The following PHEX variants were observed in gnomAD, a reference collection of about 807,000 sequenced individuals.
The protein encoded by PHEX is phosphate-regulating neutral endopeptidase PHEX.
PHEX carries 16 observed loss-of-function variants against 68.0 expected under a neutral mutation model. That is an observed-to-expected ratio of 0.24 (90% CI 0.16 to 0.36). PHEX has a LOEUF of 0.36. PHEX is among the 10% of genes least tolerant of loss of function. PHEX has a pLI of 1.00. For synonymous variants in PHEX, 208 were observed against 205.1 expected (o/e 1.01, Z -0.12); for missense variants, 480 against 575.5 (o/e 0.83, Z 1.70).
In PHEX at chrX:22,119,001, A is replaced by T. The variant is rs191778469; in HGVS notation, c.1302+4415A>T. 2.0e-4 allele frequency among the ~76,000 whole-genome samples: 22 copies of T among 112,379 alleles called. No individual in the cohort carries two copies. The South Asian group carries it at 2.6e-3, about 13-fold the overall frequency. ...AGCCTTAACTCGTGAGATTGGCTGC[A>T]AGTGTTGCTTTGTCTTTGCAGTCCA... On this transcript the variant is annotated intron_variant, in intron 11 of 21. Coordinates refer to ENST00000379374, the MANE Select transcript of PHEX (RefSeq NM_000444.6).
At chrX:22,056,603 C>G (rs998752815) in intron 3 of PHEX, among the ~76,000 whole-genome samples, 2 of 109,424 alleles carry the variant, frequency 1.8e-5, no homozygotes, top group Non-Finnish European at 3.8e-5. Flanking sequence ...GAGCTCAAGA[C>G]CAGCCTGGAC....
intron 9 of PHEX, among the ~76,000 whole-genome samples, chrX:22,110,514 C>T (rs186754618): frequency 3.2e-4 from 36 of 111,208 alleles, no homozygotes; most frequent in African/African-American, 1.1e-3. Context: ...AGGTTTGTTA[C>T]ATATGTATAC....
chrX:22,161,027 C>T (rs950036655), intron 12 of PHEX, among the ~76,000 whole-genome samples: 4 of 109,380 alleles, frequency 3.7e-5, no homozygotes, highest in Admixed American at 9.7e-5. Context: ...CCCAGCTACT[C>T]GGTGGGAGGC....
Position 22,227,605 on chromosome X carries a change from T to C in PHEX, c.2064T>C (p.Tyr688=). 5 of 1,180,907 alleles carry C rather than the reference T, an allele frequency of 4.2e-6. No homozygotes were observed. Among genetic ancestry groups the C allele is most frequent in the Non-Finnish European group, 5.8e-6 (5 of 867,318 alleles). The part of the protein sequence containing the change: ...FTNNQLFFLS[Y]AHVRCNSYRP... ...ACAACCAGCTCTTCTTCCTGAGTTA[T>C]GCTCATGTGAGTAGACTGAGGAAGG... The change falls in exon 20 of 22, where the codon TAT becomes TAC. Residue 688 remains tyrosine, a synonymous_variant. Transcript: ENST00000379374.
At chrX:22,052,763 T>A (rs1927895117) in intron 3 of PHEX, among the ~76,000 whole-genome samples, 2 of 109,192 alleles carry the variant, frequency 1.8e-5, no homozygotes, top group African/African-American at 6.7e-5. Flanking sequence ...TGCAAAGGCA[T>A]ACAGAGTGGT....
chrX:22,223,139 A>T (rs1047729447), intron 18 of PHEX, among the ~76,000 whole-genome samples: 2 of 112,128 alleles, frequency 1.8e-5, no homozygotes, highest in African/African-American at 6.5e-5. Flanking sequence ...CTTCAGTTTC[A>T]TTCCCACAGG....
At chrX:22,095,424 C>G (rs754177826) in intron 7 of PHEX, among the ~76,000 whole-genome samples, 1 of 112,141 alleles carries the variant, frequency 8.9e-6, no homozygotes, top group Admixed American at 9.4e-5. Flanking sequence ...AACAGCTGGG[C>G]TGAGGCAAGA....
intron 13 of PHEX, among the ~76,000 whole-genome samples, chrX:22,173,345 C>T (rs1033773642): frequency 8.2e-5 from 9 of 110,394 alleles, no homozygotes; most frequent in African/African-American, 3.0e-4. Flanking sequence ...CCAAGACCAG[C>T]CCCAGTGTGG....
chrX:22,158,004 A>G (rs775462165), intron 12 of PHEX, among the ~76,000 whole-genome samples: 2 of 112,024 alleles, frequency 1.8e-5, no homozygotes, highest in Non-Finnish European at 3.8e-5. Context: ...AATCAGTTCA[A>G]TTTTATCAAG....
rs755284765 is a variant in PHEX at position 22,178,292 on chromosome X, A to G, written c.1502A>G (p.Asp501Gly). Reference sequence around the variant, plus strand: ...ATTCAGATCAAGTTTTCAGAAGCCGACTACTTTGGCAACGTCCTACAAACT... The same window carrying G: ...ATTCAGATCAAGTTTTCAGAAGCCGGCTACTTTGGCAACGTCCTACAAACT... ...DLKAIKFSEA[D>G]YFGNVLQTRK... The change falls in exon 14 of 22, where the codon GAC becomes GGC. Residue 501 changes from aspartate to glycine, a missense_variant. By Grantham distance (94) the Asp-to-Gly change is moderately conservative (BLOSUM62 -1). Transcript: ENST00000379374. 8.3e-7 allele frequency: 1 copy of G among 1,197,900 alleles called. No individual in the cohort carries two copies. The highest frequency in any genetic ancestry group is 1.1e-6 in the Non-Finnish European group (1 of 883,932).
chrX:22,226,593 G>C, intron 19 of PHEX, 85 bp downstream of exon 19: 1 of 714,914 alleles, frequency 1.4e-6, no homozygotes, highest in Non-Finnish European at 2.3e-6. Context: ...CCATAGCCAT[G>C]TTCTTGAGGA....
intron 15 of PHEX, among the ~76,000 whole-genome samples, chrX:22,192,604 A>T (rs1320867013): frequency 8.9e-6 from 1 of 111,789 alleles, no homozygotes. Context: ...TATAGAGCAC[A>T]CCTGACACGC....
chrX:22,145,241 A>G (rs1269094638), intron 12 of PHEX, among the ~76,000 whole-genome samples: 3 of 111,980 alleles, frequency 2.7e-5, no homozygotes, highest in Non-Finnish European at 5.6e-5. Flanking sequence ...GAAGCTTTTT[A>G]AAAATCCTGA....
At chrX:22,044,171 G>A (rs1927406744) in intron 2 of PHEX, among the ~76,000 whole-genome samples, 1 of 110,474 alleles carries the variant, frequency 9.1e-6, no homozygotes, top group South Asian at 3.8e-4. Context: ...TACATTTGAG[G>A]GTTGGGGGCA....
rs911388836 is a variant in PHEX at position 22,115,553 on chromosome X, C to A, written c.1302+967C>A. On this transcript the variant is annotated intron_variant, in intron 11 of 21. Coordinates refer to ENST00000379374, the MANE Select transcript of PHEX (RefSeq NM_000444.6). ...TTTTAGATCCCCATAACTTATTCAT[C>A]TTAGAACTAGAAGTTTGTACCCTTT... Among the ~76,000 whole-genome samples the A allele has an allele frequency of 2.7e-5, 3 of 111,835 alleles. No homozygotes were observed. In the Admixed American group the frequency reaches 2.8e-4, roughly 11 times the overall value.
chrX:22,243,044 C>T (rs1332043468), intron 20 of PHEX, among the ~76,000 whole-genome samples: 5 of 111,881 alleles, frequency 4.5e-5, no homozygotes, highest in African/African-American at 9.8e-5. Context: ...TGCAAGGCTG[C>T]GGTAACCAAA....
intron 3 of PHEX, among the ~76,000 whole-genome samples, chrX:22,075,546 C>T (rs1230846427): frequency 3.6e-5 from 4 of 110,827 alleles, no homozygotes; most frequent in Non-Finnish European, 7.5e-5. Context: ...GATTTTTCAT[C>T]TTGGCTTCAT....
At chrX:22,073,510 TA>T (rs895296261) in intron 3 of PHEX, among the ~76,000 whole-genome samples, 7 of 111,071 alleles carry the variant, frequency 6.3e-5, no homozygotes, top group Admixed American at 2.9e-4. Context: ...ATGTTGCCTT[TA>T]AAAAAAAGTT....
At chrX:22,236,802 CAGTTCTTA>C (rs1935996906) in intron 20 of PHEX, among the ~76,000 whole-genome samples, 1 of 112,064 alleles carries the variant, frequency 8.9e-6, no homozygotes, top group Non-Finnish European at 1.9e-5. Flanking sequence ...ATCTATCAAT[CAGTTCTTA>C]CTATTTACAT....
Sources: gnomAD v4.1 joint callset for allele counts (sites outside exome capture counted in the v4.1 genomes callset) on GRCh38, gnomAD v4.1.1 for gene constraint, MANE v1.5 for transcripts, NCBI Gene and HGNC (gene_info 2026-07-23, HGNC 2026-07-21) for gene names.